The following TAF4B variants were observed in gnomAD, a reference collection of about 807,000 sequenced individuals.
The protein encoded by TAF4B is transcription initiation factor TFIID subunit 4B.
Under a neutral mutation model 86.4 loss-of-function variants are expected in TAF4B, and 38 were observed. The observed-to-expected ratio is 0.44, with a 90% CI of 0.34 to 0.58. TAF4B has a LOEUF of 0.58. Ranked by LOEUF, TAF4B falls within the 20% of genes least tolerant of loss-of-function variation. The pLI is 0.02. For missense variants in TAF4B, 988 were observed against 1,027.6 expected, an observed-to-expected ratio of 0.96 and a Z score of 0.53; for synonymous variants, 388 against 391.2, an observed-to-expected ratio of 0.99 and a Z score of 0.10.
rs546143500 is a variant in TAF4B at position 26,379,947 on chromosome 18, C to G, written c.2422-9898C>G. On this transcript the variant is annotated intron_variant, in intron 14 of 14. Transcript: ENST00000269142. ...GAAAGTAGTATTTTAAAATTATATA[C>G]TTTCCAATTGTTTGTTGCTAACATA... 3.5e-3 allele frequency among the ~76,000 whole-genome samples: 534 copies of G among 152,110 alleles called. 2 individuals carry two copies. The highest frequency in any genetic ancestry group is 0.012 in the African/African-American group (501 of 41,520).
intron 11 of TAF4B, among the ~76,000 whole-genome samples, chr18:26,323,711 T>C (rs548983771): frequency 7.9e-5 from 12 of 152,184 alleles, no homozygotes; most frequent in Non-Finnish European, 1.8e-4. Flanking sequence ...TTTGTCTCTT[T>C]TAAGGGTTTT....
intron 1 of TAF4B, among the ~76,000 whole-genome samples, chr18:26,259,193 T>G (rs112313189): frequency 1.3e-5 from 2 of 151,922 alleles, no homozygotes; most frequent in Non-Finnish European, 2.9e-5. Context: ...TTCTGTTCCT[T>G]TCTCTCTCCC....
At chr18:26,307,007 T>C (rs1182610664) in intron 9 of TAF4B, among the ~76,000 whole-genome samples, 1 of 152,078 alleles carries the variant, frequency 6.6e-6, no homozygotes, top group African/African-American at 2.4e-5. Flanking sequence ...GGTCAGATGG[T>C]CTCGATCTCC....
At chr18:26,318,379 T>C (rs531791486) in intron 10 of TAF4B, among the ~76,000 whole-genome samples, 1 of 151,950 alleles carries the variant, frequency 6.6e-6, no homozygotes, top group Non-Finnish European at 1.5e-5. Flanking sequence ...TAAAGTAGGA[T>C]CATAGAGTGA....
At chr18:26,307,879 T>G (rs2617111) in intron 9 of TAF4B, among the ~76,000 whole-genome samples, 72,230 of 151,948 alleles carry the variant, frequency 0.48, 20,161 homozygotes, top group East Asian at 0.82. Flanking sequence ...GGAGGCTGAG[T>G]TGGGAAGATC....
intron 11 of TAF4B, 53 bp downstream of exon 11, chr18:26,321,253 T>C (rs1407712706): frequency 6.9e-6 from 11 of 1,593,362 alleles, no homozygotes; most frequent in Middle Eastern, 1.7e-4. Context: ...AGGTAGTCTT[T>C]TGGGCGTGGA....
At chr18:26,287,779 T>G (rs887686798) in intron 7 of TAF4B, among the ~76,000 whole-genome samples, 1 of 152,204 alleles carries the variant, frequency 6.6e-6, no homozygotes, top group African/African-American at 2.4e-5. Context: ...ATAAGAGGTA[T>G]CTGAGTGATT....
chr18:26,325,156 T>G (rs1277060803), intron 11 of TAF4B, among the ~76,000 whole-genome samples: 1 of 152,258 alleles, frequency 6.6e-6, no homozygotes, highest in East Asian at 1.9e-4. Flanking sequence ...ACAGAGCTTT[T>G]GATCTGGCTA....
intron 13 of TAF4B, among the ~76,000 whole-genome samples, chr18:26,342,397 A>G (rs2057143860): frequency 6.6e-6 from 1 of 152,168 alleles, no homozygotes; most frequent in Non-Finnish European, 1.5e-5. Flanking sequence ...CCAGGCTGTT[A>G]GCTAATATGA....
chr18:26,357,867 A>G, intron 14 of TAF4B, 73 bp downstream of exon 14: 1 of 1,178,914 alleles, frequency 8.5e-7, no homozygotes, highest in South Asian at 1.5e-5. Flanking sequence ...AGACTTAAAA[A>G]TAGTTTACCC....
intron 13 of TAF4B, among the ~76,000 whole-genome samples, chr18:26,336,590 A>C (rs1376504588): frequency 1.3e-5 from 2 of 152,222 alleles, no homozygotes; most frequent in Non-Finnish European, 2.9e-5. Context: ...CAGCAACAAG[A>C]TATTCCTTAT....
chr18:26,329,753 A>G (rs561945183), intron 12 of TAF4B, among the ~76,000 whole-genome samples: 7 of 152,288 alleles, frequency 4.6e-5, no homozygotes, highest in African/African-American at 1.4e-4. Flanking sequence ...CAAAAGGGTC[A>G]TATTGGTACC....
At chr18:26,292,438 G>A (rs942284348) in intron 8 of TAF4B, 57 bp downstream of exon 8, 3 of 1,543,506 alleles carry the variant, frequency 1.9e-6, no homozygotes, top group African/African-American at 1.4e-5. Context: ...AAGGGGTTTT[G>A]TATAACTTTT....
At chr18:26,304,472 TGTA>T (rs2056774175) in intron 9 of TAF4B, among the ~76,000 whole-genome samples, 1 of 152,144 alleles carries the variant, frequency 6.6e-6, no homozygotes, top group Admixed American at 6.5e-5. Flanking sequence ...AAGTAAAAAA[TGTA>T]GTCAATAAAT....
rs943389147 is a variant in TAF4B at position 26,275,198 on chromosome 18, C to T, written c.882+145C>T. 10 of 912,210 alleles carry T rather than the reference C, an allele frequency of 1.1e-5. No homozygotes were observed. The African/African-American group carries it at 1.4e-4, about 13-fold the overall frequency. 56.5% of individuals were successfully genotyped at this position (912,210 alleles called of 1,614,324 possible). ...TGAGACAGAGTCTCGCTCTGTTGCC[C>T]AAGCTGGAGTGCAGTGGCGTGATCT... is the stretch of plus-strand genomic sequence containing the variant. On this transcript the variant is annotated intron_variant, in intron 5 of 14. Coordinates refer to ENST00000269142, the MANE Select transcript of TAF4B (RefSeq NM_005640.3).
At chr18:26,295,988 T>TTGTGTGTGTG (rs34047998) in intron 9 of TAF4B, among the ~76,000 whole-genome samples, 64 of 150,106 alleles carry the variant, frequency 4.3e-4, no homozygotes, top group African/African-American at 1.2e-3. Context: ...GTTCACGATT[T>TTGTGTGTGTG]TGTGTGTGTG....
In TAF4B at chr18:26,391,016, A is replaced by G. The variant is rs1431592146; in HGVS notation, c.*1004A>G. The stretch of plus-strand genomic sequence containing the variant: ...TGTCATAATATATTTTAGTTATCCT[A>G]ATTTTTAAGCATGTTGGCACATTTA... On this transcript the variant is annotated 3_prime_UTR_variant, in exon 15 of 15. Coordinates refer to ENST00000269142, the MANE Select transcript of TAF4B (RefSeq NM_005640.3). 6.6e-6 allele frequency: 1 copy of G among 152,212 alleles called. No individual in the cohort carries two copies. Among genetic ancestry groups the G allele is most frequent in the Non-Finnish European group, 1.5e-5 (1 of 68,024 alleles). 9.4% of individuals were successfully genotyped at this position (152,212 alleles called of 1,614,324 possible). A position where few individuals can be genotyped will look rare whatever the true frequency, so the allele number is the denominator to read the frequency against.
chr18:26,274,108 T>C (rs997221421), intron 3 of TAF4B, among the ~76,000 whole-genome samples: 4 of 152,180 alleles, frequency 2.6e-5, no homozygotes, highest in African/African-American at 7.2e-5. Context: ...TGATAGAAGG[T>C]AGAGAAACAA....
At chr18:26,311,061 G>A (rs1371122283) in intron 9 of TAF4B, among the ~76,000 whole-genome samples, 3 of 151,870 alleles carry the variant, frequency 2.0e-5, no homozygotes, top group South Asian at 2.1e-4. Flanking sequence ...TGGACATTTA[G>A]GTTGTTTCCA....
Sources: gnomAD v4.1 joint callset for allele counts (sites outside exome capture counted in the v4.1 genomes callset) on GRCh38, gnomAD v4.1.1 for gene constraint, MANE v1.5 for transcripts, NCBI Gene and HGNC (gene_info 2026-07-23, HGNC 2026-07-21) for gene names.